Variants in INHA observed in about 807,000 individuals in gnomAD.
The protein encoded by INHA is inhibin alpha chain.
In INHA, 8 loss-of-function variants were observed where a neutral mutation model predicts 21.3. The ratio of observed to expected loss-of-function variants is 0.38; its 90% confidence interval spans 0.22 to 0.68. The LOEUF is 0.68. Ranked by LOEUF, INHA falls within the 30% of genes least tolerant of loss-of-function variation. INHA has a pLI of 0.53. For missense variants in INHA, 436 were observed against 465.8 expected, an observed-to-expected ratio of 0.94 and a Z score of 0.59; for synonymous variants, 231 against 207.5, an observed-to-expected ratio of 1.11 and a Z score of -0.97.
chr2:219,575,442 T>C lies in INHA; in HGVS notation c.1017T>C (p.His339=). ...TCCCAGGGACCATGAGGCCCCTACATGTCCGCACCACCTCGGATGGAGGTT... is the reference window on the plus strand; with the variant it reads ...TCCCAGGGACCATGAGGCCCCTACACGTCCGCACCACCTCGGATGGAGGTT... The part of the protein sequence containing the change: ...AALPGTMRPL[H]VRTTSDGGYS... The change falls in exon 2 of 2, where the codon CAT becomes CAC. Residue 339 remains histidine (H), a synonymous_variant. Transcript: ENST00000243786. The C allele has an allele frequency of 6.2e-7, 1 of 1,614,020 alleles. No individual in the cohort carries two copies. Among genetic ancestry groups the C allele is most frequent in the Non-Finnish European group, 8.5e-7 (1 of 1,180,008 alleles).
At position 219,574,977 on chromosome 2, in the gene INHA, T is replaced by C. The variant is rs1286539070; in HGVS notation, c.552T>C (p.Ser184=). 1.9e-6 allele frequency: 3 copies of C among 1,613,698 alleles called. No homozygotes were observed. Among genetic ancestry groups the C allele is most frequent in the African/African-American group, 2.7e-5 (2 of 74,948 alleles). ...GGGCCGTGCTGCACCTGGCCACCTC[T>C]GCTCTCTCTCTGCTGACCCACCCCG... ...PHWAVLHLAT[S]ALSLLTHPVL... The change falls in exon 2 of 2, where the codon TCT becomes TCC. Residue 184 remains serine, a synonymous_variant. Transcript: ENST00000243786.
chr2:219,573,295 G>A (rs1158941101), intron 1 of INHA, among the ~76,000 whole-genome samples: 5 of 152,180 alleles, frequency 3.3e-5, no homozygotes, highest in Admixed American at 6.5e-5. Flanking sequence ...CCACTTAGTC[G>A]TTGAACGTCA....
Position 219,574,863 on chromosome 2 carries a change from T to C in INHA, c.438T>C (p.Asn146=), listed in dbSNP as rs762282861. 1.9e-6 allele frequency: 3 copies of C among 1,614,086 alleles called. No homozygotes were observed. The highest frequency in any genetic ancestry group is 2.5e-6 in the Non-Finnish European group (3 of 1,180,002). ...ACAGGCAGGGCACAGCAGCCTCCAA[T>C]AGCTCTGAGCCCCTGCTAGGCCTGC... The part of the protein sequence containing the change: ...GLDRQGTAAS[N]SSEPLLGLLA... The change falls in exon 2 of 2, where the codon AAT becomes AAC. Residue 146 remains asparagine, a synonymous_variant. Transcript: ENST00000243786.
chr2:219,574,642 C>T, intron 1 of INHA, 52 bp from the exon 2 acceptor site: 1 of 1,470,952 alleles, frequency 6.8e-7, no homozygotes, highest in Non-Finnish European at 9.3e-7. Context: ...AGGAGGGGTG[C>T]CAGGTCCTGC....
rs748024269 is a variant in INHA at position 219,574,808 on chromosome 2, C to T, written c.383C>T (p.Ser128Leu). The T allele has an allele frequency of 5.6e-6, 9 of 1,614,000 alleles. No homozygotes were observed. Among genetic ancestry groups the T allele is most frequent in the South Asian group, 5.5e-5 (5 of 91,092 alleles). The change falls in exon 2 of 2, where the codon TCA (serine) becomes TTA (leucine). Residue 128 changes from serine to leucine, a missense_variant. Transcript: ENST00000243786. ...CATACACGCAGCCGCCAGGTGACTT[C>T]AGCCCAGCTGTGGTTCCACACCGGG... is the stretch of plus-strand genomic sequence containing the variant. ...SQHTRSRQVT[S>L]AQLWFHTGLD...
At chr2:219,572,824 C>T (rs550684951) in intron 1 of INHA, among the ~76,000 whole-genome samples, 182 bp downstream of exon 1, 13 of 152,354 alleles carry the variant, frequency 8.5e-5, no homozygotes, top group African/African-American at 2.9e-4. Flanking sequence ...GGGCTAATGC[C>T]CACCTCTCAG....
At chr2:219,574,666 C>T in intron 1 of INHA, 28 bp from the exon 2 acceptor site, 2 of 1,578,978 alleles carry the variant, frequency 1.3e-6, no homozygotes, top group Non-Finnish European at 1.7e-6. Flanking sequence ...TCAGGGCTGC[C>T]CTCTCCCTTT....
In INHA at chr2:219,575,511, C is replaced by G. The variant is rs760805489; in HGVS notation, c.1086C>G (p.His362Gln). 2 of 1,613,212 alleles carry G rather than the reference C, an allele frequency of 1.2e-6. No individual in the cohort carries two copies. Among genetic ancestry groups the G allele is most frequent in the African/African-American group, 2.7e-5 (2 of 74,922 alleles). ...CAGTGCCCAACCTTCTCACGCAGCA[C>G]TGTGCTTGTATCTAAGGGTGGGGGG... Reference protein sequence around the residue: ...YETVPNLLTQHCACI With the variant: ...YETVPNLLTQQCACI Residue 362 changes from histidine (H) to glutamine (Q), a missense_variant, in exon 2 of 2, where the codon CAC becomes CAG. By Grantham distance (24) the His-to-Gln change is conservative (BLOSUM62 0). Transcript: ENST00000243786.
At chr2:219,574,570 C>G (rs1024317362) in intron 1 of INHA, 124 bp from the exon 2 acceptor site, 5 of 759,060 alleles carry the variant, frequency 6.6e-6, no homozygotes, top group South Asian at 1.8e-5. Context: ...TCCCGGAGGG[C>G]GTGGAGCAGA....
At position 219,572,412 on chromosome 2, in the gene INHA, C is replaced by G. The variant is rs775253512; in HGVS notation, c.38C>G (p.Pro13Arg). 3 of 1,614,064 alleles carry G rather than the reference C, an allele frequency of 1.9e-6. No homozygotes were observed. Among genetic ancestry groups the G allele is most frequent in the Non-Finnish European group, 2.5e-6 (3 of 1,180,032 alleles). ...CTACTGCTCTTCTTGCTGCTGACCC[C>G]ACAGGGTGGGCACAGCTGCCAGGGG... is the stretch of plus-strand genomic sequence containing the variant. The part of the protein sequence containing the change: ...LHLLLFLLLT[P>R]QGGHSCQGLE... Residue 13 changes from proline to arginine, a missense_variant, in exon 1 of 2, where the codon CCA (proline) becomes CGA (arginine). By Grantham distance (103) the Pro-to-Arg change is moderately radical. Transcript: ENST00000243786.
At chr2:219,573,060 G>A (rs1055740317) in intron 1 of INHA, among the ~76,000 whole-genome samples, 2 of 152,204 alleles carry the variant, frequency 1.3e-5, no homozygotes, top group Admixed American at 6.5e-5. Flanking sequence ...AGATTAGTTG[G>A]GAAACTTTTC....
chr2:219,574,507 TA>T (rs1316169192), intron 1 of INHA, among the ~76,000 whole-genome samples, 186 bp from the exon 2 acceptor site: 1 of 152,042 alleles, frequency 6.6e-6, no homozygotes, highest in African/African-American at 2.4e-5. Flanking sequence ...ATGATGAAAT[TA>T]AAAAATGGGA....
intron 1 of INHA, 125 bp downstream of exon 1, chr2:219,572,767 G>C: frequency 9.3e-7 from 1 of 1,077,164 alleles, no homozygotes; most frequent in East Asian, 2.6e-5. Flanking sequence ...GCAGCAATAG[G>C]CCAGTTACTA....
intron 1 of INHA, among the ~76,000 whole-genome samples, chr2:219,574,299 AT>A (rs1353354206): frequency 7.1e-6 from 1 of 141,046 alleles, no homozygotes; most frequent in Non-Finnish European, 1.6e-5. Context: ...AAAAAAAAGA[AT>A]ATAACAACCA....
In INHA at chr2:219,572,700, G is replaced by C. The variant is rs1405039837; in HGVS notation, c.268+58G>C. 4 of 1,542,906 alleles carry C rather than the reference G, an allele frequency of 2.6e-6. No individual in the cohort carries two copies. The East Asian group carries it at 7.3e-5, about 28-fold the overall frequency. On this transcript the variant is annotated intron_variant, in intron 1 of 1. Transcript: ENST00000243786. ...TTGAGAAAAAGCAAGGCACAGCATG[G>C]GTTTGCAGGCCAGGCGGACCTGGGT...
At position 219,572,315 on chromosome 2, in the gene INHA, C is replaced by T. The variant is rs1355433029; in HGVS notation, c.-60C>T. ...GGAGAGTGGAAAGGCCCTGGGCAGACCCTGGCAGAAGGGGCACGGGGCAGG... is the reference window on the plus strand; with the variant it reads ...GGAGAGTGGAAAGGCCCTGGGCAGATCCTGGCAGAAGGGGCACGGGGCAGG... On this transcript the variant is annotated 5_prime_UTR_variant, in exon 1 of 2. Transcript: ENST00000243786. The T allele has an allele frequency of 2.5e-6, 4 of 1,611,644 alleles. No individual in the cohort carries two copies. The African/African-American group carries it at 4.0e-5, about 16-fold the overall frequency.
At chr2:219,573,488 G>A in intron 1 of INHA, among the ~76,000 whole-genome samples, 1 of 152,008 alleles carries the variant, frequency 6.6e-6, no homozygotes, top group African/African-American at 2.4e-5. Context: ...TTCTTGAAAG[G>A]ACTGCCCTCT....
At position 219,572,455 on chromosome 2, in the gene INHA, A is replaced by C. The variant is rs770549682; in HGVS notation, c.81A>C (p.Glu27Asp). 6.2e-7 allele frequency: 1 copy of C among 1,614,014 alleles called. No individual in the cohort carries two copies. The highest frequency in any genetic ancestry group is 2.2e-5 in the East Asian group (1 of 44,872). ...HSCQGLELAR[E>D]LVLAKVRALF... ...GCCAGGGGCTGGAGCTGGCCCGGGA[A>C]CTTGTTCTGGCCAAGGTGAGGGCCC... Residue 27 changes from glutamate to aspartate, a missense_variant, in exon 1 of 2, where the codon GAA (glutamate) becomes GAC (aspartate). Glu to Asp is a conservative substitution (Grantham distance 45). Coordinates refer to ENST00000243786, the MANE Select transcript of INHA (RefSeq NM_002191.4).
chr2:219,573,617 C>A (rs1005355260), intron 1 of INHA, among the ~76,000 whole-genome samples: 3 of 140,522 alleles, frequency 2.1e-5, no homozygotes, highest in African/African-American at 8.0e-5. Context: ...GTAAACCTGT[C>A]TTTTAAAAAT....
Sources: gnomAD v4.1 joint callset for allele counts (sites outside exome capture counted in the v4.1 genomes callset) on GRCh38, gnomAD v4.1.1 for gene constraint, MANE v1.5 for transcripts, NCBI Gene and HGNC (gene_info 2026-07-23, HGNC 2026-07-21) for gene names.